The following WDR87 variants were observed in gnomAD, a reference collection of about 807,000 sequenced individuals.
WDR87 encodes WD repeat domain 87.
Under a neutral mutation model 83.3 loss-of-function variants are expected in WDR87, and 56 were observed. The observed-to-expected ratio is 0.67, with a 90% CI of 0.54 to 0.84. WDR87 has a LOEUF of 0.84. Ranked by LOEUF, WDR87 falls within the 40% of genes least tolerant of loss-of-function variation. The pLI is 0.00. For missense variants in WDR87, 2,939 were observed against 3,431.9 expected (o/e 0.86, Z 3.59); for synonymous variants, 1,173 against 1,250.6 (o/e 0.94, Z 1.31).
chr19:37,888,450 G>A lies in WDR87; in HGVS notation c.5221C>T (p.Gln1741Ter). 6.4e-7 allele frequency: 1 copy of A among 1,552,026 alleles called. No homozygotes were observed. The highest frequency in any genetic ancestry group is 1.2e-5 in the South Asian group (1 of 84,036). ...TGCCAGTCCAGATTTTGTTCCCTCT[G>A]GGGCAGTTCTTCCACTTTCTGGGCC... ...ILAQKVEELP[Q>*]REQNLDWQEK... The change falls in exon 6 of 6, where the codon CAG becomes TAG. Residue 1741 changes from glutamine to a stop codon, truncating the protein, a stop_gained. Coordinates refer to ENST00000447313, the MANE Select transcript of WDR87 (RefSeq NM_001291088.2). LOFTEE classifies it low-confidence loss of function (END_TRUNC).
chr19:37,906,676 G>T (rs2145452621), upstream of WDR87: 1 of 151,244 alleles, frequency 6.6e-6, no homozygotes, highest in South Asian at 2.1e-4. Context: ...CTGAACGCGC[G>T]TGCGCATGGG....
intron 1 of WDR87, among the ~76,000 whole-genome samples, chr19:37,904,487 T>C (rs763613357): frequency 2.6e-5 from 4 of 152,020 alleles, no homozygotes. Flanking sequence ...GCCTCCCTAG[T>C]AGCTGGGATT....
At position 37,889,519 on chromosome 19, in the gene WDR87, C is replaced by T; in HGVS notation, c.4152G>A (p.Arg1384=). 1 of 1,551,708 alleles carries T rather than the reference C, an allele frequency of 6.4e-7. No individual in the cohort carries two copies. The highest frequency in any genetic ancestry group is 2.4e-5 in the East Asian group (1 of 40,910). Residue 1384 remains arginine, a synonymous_variant, in exon 6 of 6, where the codon AGG becomes AGA. Coordinates refer to ENST00000447313, the MANE Select transcript of WDR87 (RefSeq NM_001291088.2). ...EVIRHKEVMP[R]EEEQAQKKAR... is the part of the protein sequence containing the mutation. ...CTTTCTTTTGTGCTTGTTCTTCTTC[C>T]CTTGGCATCACTTCCTTGTGTCTGA... is the stretch of plus-strand genomic sequence containing the variant.
intron 1 of WDR87, among the ~76,000 whole-genome samples, chr19:37,905,857 G>A (rs1193561661): frequency 6.6e-6 from 1 of 152,156 alleles, no homozygotes; most frequent in South Asian, 2.1e-4. Flanking sequence ...GCTCTACATT[G>A]TTGTAGTCTG....
chr19:37,890,724 C>T (rs946088769), intron 5 of WDR87, among the ~76,000 whole-genome samples: 2 of 152,100 alleles, frequency 1.3e-5, no homozygotes, highest in Non-Finnish European at 2.9e-5. Context: ...CTACCCTTAA[C>T]CTCTGGCCCT....
intron 1 of WDR87, among the ~76,000 whole-genome samples, chr19:37,901,002 G>A (rs1288462622): frequency 6.6e-6 from 1 of 151,116 alleles, no homozygotes; most frequent in Non-Finnish European, 1.5e-5. Flanking sequence ...AGCCAGGCGT[G>A]GTGGCATGTG....
chr19:37,885,897 G>A lies in WDR87; in HGVS notation c.7774C>T (p.Leu2592Phe). ...RDGFHRLCQL[L>F]KDLASKGNLE... ...TTTCCCTTTGAGGCAAGGTCTTTGA[G>A]CAGCTGGCACAGTCTATGGAAACCA... is the stretch of plus-strand genomic sequence containing the variant. Residue 2592 changes from leucine to phenylalanine, a missense_variant, in exon 6 of 6, where the codon CTC (leucine) becomes TTC (phenylalanine). By Grantham distance (22) the Leu-to-Phe change is conservative (BLOSUM62 0). This residue lies in a region of WDR87 where 2,160 missense variants were observed against 2,533.1 expected (regional missense o/e 0.85). Coordinates refer to ENST00000447313, the MANE Select transcript of WDR87 (RefSeq NM_001291088.2). 6.4e-7 allele frequency: 1 copy of A among 1,552,284 alleles called. No individual in the cohort carries two copies. The highest frequency in any genetic ancestry group is 8.7e-7 in the Non-Finnish European group (1 of 1,147,132).
intron 1 of WDR87, among the ~76,000 whole-genome samples, chr19:37,902,758 G>A (rs1028182035): frequency 5.5e-4 from 83 of 152,270 alleles, no homozygotes; most frequent in Non-Finnish European, 7.9e-4. Context: ...GCTTTGCCTT[G>A]TTAAAGAGAG....
At chr19:37,900,823 G>C (rs376099324) in intron 1 of WDR87, among the ~76,000 whole-genome samples, 21 of 151,978 alleles carry the variant, frequency 1.4e-4, no homozygotes, top group African/African-American at 4.6e-4. Context: ...TGCCTTTCAG[G>C]CTCTAGTTGA....
chr19:37,898,431 A>C, intron 1 of WDR87, 146 bp from the exon 2 acceptor site: 2 of 1,070,872 alleles, frequency 1.9e-6, no homozygotes, highest in Non-Finnish European at 2.6e-6. Context: ...CATTTCATCC[A>C]CTCTACAGCC....
At chr19:37,901,276 C>G (rs954970103) in intron 1 of WDR87, among the ~76,000 whole-genome samples, 2 of 148,614 alleles carry the variant, frequency 1.3e-5, no homozygotes, top group African/African-American at 5.0e-5. Context: ...ACTAAAAATA[C>G]AAAAATTAGC....
chr19:37,886,206 C>T lies in WDR87; in HGVS notation c.7465G>A (p.Val2489Ile), dbSNP rs746212376. ...MGKYEPIPPHVLGTVLESQAQ... is the reference protein window; with the variant it reads ...MGKYEPIPPHILGTVLESQAQ... Reference sequence around the variant, plus strand: ...TGGGACTCCAAAACTGTACCCAAAACATGTGGAGGTATGGGTTCATATTTT... The same window carrying T: ...TGGGACTCCAAAACTGTACCCAAAATATGTGGAGGTATGGGTTCATATTTT... Residue 2489 changes from valine to isoleucine, a missense_variant, in exon 6 of 6, where the codon GTT (valine) becomes ATT (isoleucine). Val to Ile is a conservative substitution (Grantham distance 29, BLOSUM62 3). This residue lies in a region of WDR87 where 2,160 missense variants were observed against 2,533.1 expected (regional missense o/e 0.85). Transcript: ENST00000447313. The T allele has an allele frequency of 1.7e-5, 26 of 1,551,604 alleles. No individual in the cohort carries two copies. The South Asian group carries it at 2.6e-4, about 16-fold the overall frequency.
chr19:37,895,278 GGTTTGAATGCCCGAAAGT>G lies in WDR87; in HGVS notation c.407_424del (p.His136_Lys141del), dbSNP rs919642370. The G allele has an allele frequency of 6.4e-7, 1 of 1,551,558 alleles. No homozygotes were observed. Among genetic ancestry groups the G allele is most frequent in the African/African-American group, 1.4e-5 (1 of 73,024 alleles). ...GAAGCGGCAGGGCACTTTACCCAGG[GGTTTGAATGCCCGAAAGT>G]GGTCCCCAAAGAGTCGCAGGATCAG... On this transcript the variant is annotated inframe_deletion, in exon 4 of 6. Transcript: ENST00000447313.
Position 37,886,207 on chromosome 19 carries a change from A to G in WDR87, c.7464T>C (p.His2488=). 6.4e-7 allele frequency: 1 copy of G among 1,551,688 alleles called. No individual in the cohort carries two copies. The highest frequency in any genetic ancestry group is 8.7e-7 in the Non-Finnish European group (1 of 1,146,998). The change falls in exon 6 of 6, where the codon CAT becomes CAC. Residue 2488 remains histidine, a synonymous_variant. Transcript: ENST00000447313. ...VMGKYEPIPP[H]VLGTVLESQA... ...GGGACTCCAAAACTGTACCCAAAAC[A>G]TGTGGAGGTATGGGTTCATATTTTC... is the stretch of plus-strand genomic sequence containing the variant.
chr19:37,890,275 G>A lies in WDR87; in HGVS notation c.3396C>T (p.Ser1132=). The A allele has an allele frequency of 6.6e-7, 1 of 1,519,308 alleles. No individual in the cohort carries two copies. Among genetic ancestry groups the A allele is most frequent in the Non-Finnish European group, 8.9e-7 (1 of 1,129,754 alleles). 94.1% of individuals were successfully genotyped at this position (1,519,308 alleles called of 1,614,324 possible). A position where few individuals can be genotyped will look rare whatever the true frequency, so the allele number is the denominator to read the frequency against. The change falls in exon 6 of 6, where the codon AGC becomes AGT. Residue 1132 remains serine, a splice_region_variant and synonymous_variant. Coordinates refer to ENST00000447313, the MANE Select transcript of WDR87 (RefSeq NM_001291088.2). ...RRGQAGVKKH[S]QKWLRGLKKT... is the part of the protein sequence containing the mutation. Reference sequence around the variant, plus strand: ...TCTTGAGACCCCGCAACCATTTTTGGCCTGCAGTAAAAATCGAGAGATGGA... The same window carrying A: ...TCTTGAGACCCCGCAACCATTTTTGACCTGCAGTAAAAATCGAGAGATGGA...
Position 37,894,416 on chromosome 19 carries a change from G to A in WDR87, c.1287C>T (p.Gly429=). ...TGTCAAATACCAGAACCTCTGAGCT[G>A]CCTGTTGCTACAAAGAGCTCCTCTT... is the stretch of plus-strand genomic sequence containing the variant. The part of the protein sequence containing the change: ...PGKEELFVAT[G]SSEVLVFDTT... The change falls in exon 4 of 6, where the codon GGC becomes GGT. Residue 429 remains glycine (G), a synonymous_variant. Coordinates refer to ENST00000447313, the MANE Select transcript of WDR87 (RefSeq NM_001291088.2). 6.4e-7 allele frequency: 1 copy of A among 1,551,724 alleles called. No individual in the cohort carries two copies. Among genetic ancestry groups the A allele is most frequent in the South Asian group, 1.2e-5 (1 of 84,050 alleles).
At chr19:37,892,338 C>G (rs550163701) in intron 4 of WDR87, among the ~76,000 whole-genome samples, 1 of 152,130 alleles carries the variant, frequency 6.6e-6, no homozygotes, top group East Asian at 1.9e-4. Context: ...GAGCCAAGAT[C>G]GCGCCACTAC....
chr19:37,894,295 C>A lies in WDR87; in HGVS notation c.1408G>T (p.Gly470Trp), dbSNP rs1237456260. 3.9e-6 allele frequency: 6 copies of A among 1,551,628 alleles called. No individual in the cohort carries two copies. The Admixed American group carries it at 1.2e-4, about 30-fold the overall frequency. ...AATATCAGTCCCTCTAGACCCCGCCCCAAGTTGAAATGCCCATAAGCCAGG... is the reference window on the plus strand; with the variant it reads ...AATATCAGTCCCTCTAGACCCCGCCACAAGTTGAAATGCCCATAAGCCAGG... ...QCLAYGHFNL[G>W]RGLEGLIFSG... The change falls in exon 4 of 6, where the codon GGG (glycine) becomes TGG (tryptophan). Residue 470 changes from glycine (G) to tryptophan (W), a missense_variant. This residue lies in a region of WDR87 where 553 missense variants were observed against 577.9 expected (regional missense o/e 0.96). Coordinates refer to ENST00000447313, the MANE Select transcript of WDR87 (RefSeq NM_001291088.2).
At chr19:37,897,144 A>G (rs1479607741) in intron 2 of WDR87, among the ~76,000 whole-genome samples, 1 of 151,718 alleles carries the variant, frequency 6.6e-6, no homozygotes, top group East Asian at 1.9e-4. Flanking sequence ...GCATTTATAC[A>G]ATATATATAT....
Sources: gnomAD v4.1 joint callset for allele counts (sites outside exome capture counted in the v4.1 genomes callset) on GRCh38, gnomAD v4.1.1 for gene constraint, gnomAD v4.1.1 regional missense constraint, MANE v1.5 for transcripts, NCBI Gene and HGNC (gene_info 2026-07-23, HGNC 2026-07-21) for gene names.